Variants in SGMS1 observed in about 807,000 individuals in gnomAD.
SGMS1 encodes the protein sphingomyelin synthase 1.
SGMS1 carries 13 observed loss-of-function variants against 46.2 expected under a neutral mutation model. That is an observed-to-expected ratio of 0.28 (90% CI 0.18 to 0.45). The LOEUF is 0.45. Among genes scored for constraint, SGMS1 ranks in the 20% least tolerant of loss-of-function variants. The pLI, the probability that SGMS1 is intolerant of heterozygous loss-of-function variation, is 1.00. For missense variants in SGMS1, 324 were observed against 519.9 expected (o/e 0.62, Z 3.66); for synonymous variants, 203 against 187.8 (o/e 1.08, Z -0.66).
At chr10:50,484,985 C>T (rs886637703) in intron 3 of SGMS1, among the ~76,000 whole-genome samples, 1 of 152,142 alleles carries the variant, frequency 6.6e-6, no homozygotes, top group Non-Finnish European at 1.5e-5. Context: ...AAAACCAGCA[C>T]AAGACAAGGA....
chr10:50,487,429 T>C (rs1327315116), intron 3 of SGMS1, among the ~76,000 whole-genome samples: 2 of 152,208 alleles, frequency 1.3e-5, no homozygotes, highest in African/African-American at 4.8e-5. Flanking sequence ...CAAACCACCA[T>C]GGCACATGTT....
chr10:50,600,813 C>T (rs1838642993), intron 1 of SGMS1, among the ~76,000 whole-genome samples: 1 of 152,148 alleles, frequency 6.6e-6, no homozygotes, highest in Non-Finnish European at 1.5e-5. Flanking sequence ...TTCTCAAGCA[C>T]ATCCACTCTG....
At chr10:50,546,887 C>G (rs1420723344) in intron 2 of SGMS1, among the ~76,000 whole-genome samples, 5 of 152,042 alleles carry the variant, frequency 3.3e-5, no homozygotes, top group Admixed American at 6.6e-5. Flanking sequence ...AAAAAAAGAC[C>G]CTGCTTAGAA....
chr10:50,383,291 C>T (rs976284510), intron 6 of SGMS1, among the ~76,000 whole-genome samples: 2 of 151,928 alleles, frequency 1.3e-5, no homozygotes, highest in African/African-American at 4.8e-5. Flanking sequence ...CCGAAAGATC[C>T]GTTTCTTCAA....
Position 50,307,195 on chromosome 10 carries a change from C to G in SGMS1, c.1189G>C (p.Val397Leu), listed in dbSNP as rs1353865951. 1 of 1,614,104 alleles carries G rather than the reference C, an allele frequency of 6.2e-7. No individual in the cohort carries two copies. The highest frequency in any genetic ancestry group is 1.3e-5 in the African/African-American group (1 of 75,026). ...TTAACTTGCCTACTGAGGTGGACTA[C>G]TGGCCAGGGGAAAGGCCAATGGTAA... Reference protein sequence around the residue: ...RSYHWPFPWPVVHLSRQVKYS... With the variant: ...RSYHWPFPWPLVHLSRQVKYS... Residue 397 changes from valine (V) to leucine (L), a missense_variant, in exon 11 of 11, where the codon GTA becomes CTA. Physicochemically the swap from Val to Leu is conservative, Grantham distance 32. Around this residue, in one of 2 missense-constraint regions of SGMS1, gnomAD observed 174 missense variants for 350.1 expected, o/e 0.50. Coordinates refer to ENST00000361781, the MANE Select transcript of SGMS1 (RefSeq NM_147156.4). This position sits in a 1 kb window ranked among gnomAD's most constrained non-coding sequence, Gnocchi z 4.2.
intron 6 of SGMS1, among the ~76,000 whole-genome samples, chr10:50,358,082 C>T (rs1034378737): frequency 6.6e-6 from 1 of 152,058 alleles, no homozygotes; most frequent in African/African-American, 2.4e-5. Context: ...GAGTTCATGA[C>T]CAGTCTAGGC....
intron 6 of SGMS1, among the ~76,000 whole-genome samples, chr10:50,366,681 C>T (rs1159347227): frequency 1.3e-5 from 2 of 152,082 alleles, no homozygotes; most frequent in Non-Finnish European, 2.9e-5. Flanking sequence ...AACGATCATT[C>T]TCAGCAAACT....
chr10:50,313,544 T>C (rs950237717), intron 8 of SGMS1, among the ~76,000 whole-genome samples: 1 of 152,242 alleles, frequency 6.6e-6, no homozygotes, highest in Non-Finnish European at 1.5e-5. Context: ...CATGCCTGCA[T>C]AAACATTATA....
chr10:50,584,453 C>T (rs1838463750), intron 2 of SGMS1, among the ~76,000 whole-genome samples: 1 of 141,692 alleles, frequency 7.1e-6, no homozygotes, highest in Non-Finnish European at 1.5e-5. Context: ...AAGCGGAGAT[C>T]GTGCCACTGC....
At chr10:50,446,120 C>T (rs149052285) in intron 5 of SGMS1, among the ~76,000 whole-genome samples, 16 of 152,190 alleles carry the variant, frequency 1.1e-4, no homozygotes, top group South Asian at 1.0e-3. Context: ...AATGACAATG[C>T]GTGCCCGAAA....
intron 6 of SGMS1, among the ~76,000 whole-genome samples, chr10:50,393,597 C>T (rs1171173121): frequency 6.6e-6 from 1 of 152,060 alleles, no homozygotes; most frequent in Non-Finnish European, 1.5e-5. Context: ...AATGACACAC[C>T]ATTCCTAGTA....
intron 6 of SGMS1, among the ~76,000 whole-genome samples, chr10:50,363,982 C>T (rs902360003): frequency 4.5e-4 from 68 of 151,546 alleles, no homozygotes; most frequent in African/African-American, 1.6e-3. Context: ...TTTTCAAAGA[C>T]ATAAGGTATC....
intron 3 of SGMS1, among the ~76,000 whole-genome samples, chr10:50,510,511 C>G (rs1837744004): frequency 1.3e-5 from 2 of 152,036 alleles, no homozygotes; most frequent in South Asian, 4.1e-4. Context: ...TAGGAGAGTT[C>G]TAGTTGCTCT....
chr10:50,426,061 G>A (rs928175460), intron 6 of SGMS1, among the ~76,000 whole-genome samples: 7 of 151,976 alleles, frequency 4.6e-5, no homozygotes, highest in African/African-American at 1.7e-4. Flanking sequence ...AAAATGGAGT[G>A]GTATGTATTA....
chr10:50,352,464 T>A (rs1175506345), intron 6 of SGMS1, among the ~76,000 whole-genome samples: 1 of 152,022 alleles, frequency 6.6e-6, no homozygotes, highest in Non-Finnish European at 1.5e-5. Context: ...TAGACATTTT[T>A]CAGAACTGGT....
upstream of SGMS1, chr10:50,624,732 C>G (rs1838903396): frequency 2.0e-6 from 2 of 985,424 alleles, no homozygotes; most frequent in Non-Finnish European, 2.4e-6. Context: ...CTCTGCTCCC[C>G]GAGCGAAGCC....
chr10:50,440,553 T>TA (rs1849531833), intron 5 of SGMS1, among the ~76,000 whole-genome samples: 1 of 152,056 alleles, frequency 6.6e-6, no homozygotes, highest in Non-Finnish European at 1.5e-5. Flanking sequence ...TCACTAAAGG[T>TA]AAAAAATAGC....
intron 5 of SGMS1, among the ~76,000 whole-genome samples, chr10:50,441,050 C>T (rs979115799): frequency 9.9e-5 from 15 of 152,188 alleles, no homozygotes; most frequent in African/African-American, 2.7e-4. Flanking sequence ...CACAGTTGTT[C>T]GGCAAACGAC....
At chr10:50,313,521 A>C (rs1847291275) in intron 8 of SGMS1, among the ~76,000 whole-genome samples, 2 of 152,216 alleles carry the variant, frequency 1.3e-5, no homozygotes, top group South Asian at 4.1e-4. Flanking sequence ...GAACCATTTT[A>C]GTTTTCAAAT....
Sources: gnomAD v4.1 joint callset for allele counts (sites outside exome capture counted in the v4.1 genomes callset) on GRCh38, gnomAD v4.1.1 for gene constraint, gnomAD v4.1.1 regional missense constraint, Gnocchi (gnomAD v3.1) non-coding constraint, MANE v1.5 for transcripts, NCBI Gene and HGNC (gene_info 2026-07-23, HGNC 2026-07-21) for gene names.